ZNF454: variants seen among roughly 807,000 people sequenced by gnomAD.
ZNF454 encodes the protein zinc finger protein 454.
In ZNF454, 30 loss-of-function variants were observed where a neutral mutation model predicts 48.2. The observed-to-expected ratio is 0.62, with a 90% CI of 0.47 to 0.84. ZNF454 has a LOEUF of 0.84. Ranked by LOEUF, ZNF454 falls within the 40% of genes least tolerant of loss-of-function variation. The pLI is 0.00. For missense variants in ZNF454, 510 were observed against 623.1 expected (o/e 0.82, Z 1.93); for synonymous variants, 204 against 211.4 (o/e 0.97, Z 0.30).
At chr5:178,978,178 T>C in the ZNF454 span, 2 of 152,174 alleles carry the variant, frequency 1.3e-5, no homozygotes, top group African/African-American at 4.8e-5. Flanking sequence ...GAAACAAAGG[T>C]ATCAATATAA....
rs1205192319 is a variant in ZNF454, at chr5:178,952,452, T to G, written c.250+5466T>G. ...TGTATTCGTTTATAGGAGCTCTGTC[T>G]GTATTTAGGAATCTCTACTTTATCA... On this transcript the variant is annotated intron_variant, in intron 4 of 4. Transcript: ENST00000519564. Among the ~76,000 whole-genome samples the G allele has an allele frequency of 2.0e-5, 3 of 152,250 alleles. No individual in the cohort carries two copies. The East Asian group carries it at 5.8e-4, about 29-fold the overall frequency.
rs200106738 is a variant in ZNF454, at chr5:178,965,756, A to T, written c.1352A>T (p.Asp451Val). ...AACATATGTGAAAAAGCCTTCAGTGACCATTCAGCCCTTACCCAACATAAG... is the reference window on the plus strand; with the variant it reads ...AACATATGTGAAAAAGCCTTCAGTGTCCATTCAGCCCTTACCCAACATAAG... The part of the protein sequence containing the change: ...TCNICEKAFS[D>V]HSALTQHKRI... Residue 451 changes from aspartate to valine, a missense_variant, in exon 5 of 5, where the codon GAC becomes GTC. Physicochemically the swap from Asp to Val is radical, Grantham distance 152 (BLOSUM62 -3). Coordinates refer to ENST00000519564, the MANE Select transcript of ZNF454 (RefSeq NM_001178089.3). This position sits in a 1 kb window ranked among gnomAD's most constrained non-coding sequence, Gnocchi z 5.2. 2.5e-6 allele frequency: 4 copies of T among 1,614,180 alleles called. No homozygotes were observed. In the South Asian group the frequency reaches 3.3e-5, roughly 13 times the overall value.
chr5:178,943,903 T>C (rs1759213182), intron 2 of ZNF454, among the ~76,000 whole-genome samples: 1 of 152,016 alleles, frequency 6.6e-6, no homozygotes, highest in Admixed American at 6.6e-5. Flanking sequence ...GGTGGGCGCC[T>C]GTAGTCCCAG....
Position 178,946,114 on chromosome 5 carries a change from T to C in ZNF454, c.34-245T>C, listed in dbSNP as rs997694255. ...GGCTAAATGAATGGCAAGTTGGAAG[T>C]CCCAGTGCTGAGAAAGCCTATCTTC... On this transcript the variant is annotated intron_variant, in intron 2 of 4. Transcript: ENST00000519564. This position sits in a 1 kb window ranked among gnomAD's most constrained non-coding sequence, Gnocchi z 4.5. 6.6e-6 allele frequency among the ~76,000 whole-genome samples: 1 copy of C among 151,968 alleles called. No individual in the cohort carries two copies. Among genetic ancestry groups the C allele is most frequent in the Non-Finnish European group, 1.5e-5 (1 of 67,980 alleles).
chr5:178,965,843 GCACT>G lies in ZNF454; in HGVS notation c.1443_1446del (p.His482Ter), dbSNP rs747824748. On this transcript the variant is annotated frameshift_variant, in exon 5 of 5. Coordinates refer to ENST00000519564, the MANE Select transcript of ZNF454 (RefSeq NM_001178089.3). LOFTEE classifies it high-confidence loss of function. This position sits in a 1 kb window ranked among gnomAD's most constrained non-coding sequence, Gnocchi z 5.2. ...ATCTGTGAGAAAGCCTTTATCCGAA[GCACT>G]CACCTGACTCAACATCAGAGGATTC... 6.2e-7 allele frequency: 1 copy of G among 1,613,892 alleles called. No homozygotes were observed. The highest frequency in any genetic ancestry group is 8.5e-7 in the Non-Finnish European group (1 of 1,180,022).
chr5:178,942,984 C>T (rs115701134), intron 2 of ZNF454, among the ~76,000 whole-genome samples, 160 bp downstream of exon 2: 3,849 of 152,224 alleles, frequency 0.025, 80 homozygotes, highest in South Asian at 0.059. Context: ...GCCCCATATC[C>T]GGCTCATCCT....
the ZNF454 span, chr5:178,981,543 G>T: frequency 1.2e-6 from 1 of 809,822 alleles, no homozygotes; most frequent in South Asian, 1.7e-5. This position sits in a 1 kb window ranked among gnomAD's most constrained non-coding sequence, Gnocchi z 5.1. Context: ...GCATGGTCTT[G>T]GCAAACTCCC....
At chr5:178,970,252 GCA>G (rs1208099114), downstream of ZNF454, among the ~76,000 whole-genome samples, 1 of 152,108 alleles carries the variant, frequency 6.6e-6, no homozygotes, top group Non-Finnish European at 1.5e-5. Flanking sequence ...CTCCCCTGTA[GCA>G]CTGGCTTAGT....
At chr5:178,983,235 C>G in the ZNF454 span, 1 of 1,605,506 alleles carries the variant, frequency 6.2e-7, no homozygotes, top group East Asian at 2.2e-5. Context: ...CAGGAGCCAA[C>G]ACTGCATCAG....
At chr5:178,985,720 C>G in the ZNF454 span, 6 of 298,860 alleles carry the variant, frequency 2.0e-5, no homozygotes, top group South Asian at 1.1e-4. Context: ...AAAAACAAAA[C>G]AACACAGGAA....
rs1561695072 is a variant in ZNF454 at position 178,946,303 on chromosome 5, A to G, written c.34-56A>G. 5.0e-6 allele frequency: 8 copies of G among 1,593,226 alleles called. No individual in the cohort carries two copies. Among genetic ancestry groups the G allele is most frequent in the Non-Finnish European group, 6.8e-6 (8 of 1,174,340 alleles). ...CCTAGGGGCTGCCAGTCTCTTTTCC[A>G]GAGAACCATGTGCAGGGGTAGCCCC... On this transcript the variant is annotated intron_variant, in intron 2 of 4. Transcript: ENST00000519564. The surrounding 1 kb of genome is among the most constrained non-coding windows in gnomAD (Gnocchi z 4.5).
the ZNF454 span, chr5:178,988,895 G>A: frequency 1.3e-6 from 2 of 1,542,460 alleles, no homozygotes; most frequent in Non-Finnish European, 1.8e-6. This position sits in a 1 kb window ranked among gnomAD's most constrained non-coding sequence, Gnocchi z 6.0. Flanking sequence ...CAGCCCCCCA[G>A]CTGTCCTTCA....
chr5:178,980,655 A>G, the ZNF454 span: 2 of 152,370 alleles, frequency 1.3e-5, no homozygotes, highest in Non-Finnish European at 2.9e-5. The surrounding 1 kb of genome is among the most constrained non-coding windows in gnomAD (Gnocchi z 4.3). Context: ...TTTTTTTGAG[A>G]CAGAGTCTCG....
chr5:178,942,713 A>G lies in ZNF454; in HGVS notation c.-79A>G. Reference sequence around the variant, plus strand: ...GTGTGTGGACCCTTCTAGCCTGAGGAGTCCTGCAGGTGTGAAGCTCCACAC... The same window carrying G: ...GTGTGTGGACCCTTCTAGCCTGAGGGGTCCTGCAGGTGTGAAGCTCCACAC... On this transcript the variant is annotated 5_prime_UTR_variant, in exon 2 of 5. Coordinates refer to ENST00000519564, the MANE Select transcript of ZNF454 (RefSeq NM_001178089.3). 1 of 1,518,108 alleles carries G rather than the reference A, an allele frequency of 6.6e-7. No individual in the cohort carries two copies. Among genetic ancestry groups the G allele is most frequent in the Non-Finnish European group, 9.1e-7 (1 of 1,093,730 alleles). 94.0% of individuals were successfully genotyped at this position (1,518,108 alleles called of 1,614,324 possible). A position where few individuals can be genotyped will look rare whatever the true frequency, so the allele number is the denominator to read the frequency against.
At chr5:178,974,921 A>G in the ZNF454 span, among the ~76,000 whole-genome samples, 212 of 152,324 alleles carry the variant, frequency 1.4e-3, no homozygotes, top group African/African-American at 4.9e-3. Flanking sequence ...ACCACCACGG[A>G]TCTCAGGAAT....
Position 178,965,289 on chromosome 5 carries a change from T to C in ZNF454, c.885T>C (p.Thr295=), listed in dbSNP as rs1489550474. The C allele has an allele frequency of 6.2e-7, 1 of 1,614,110 alleles. No homozygotes were observed. The highest frequency in any genetic ancestry group is 2.2e-5 in the East Asian group (1 of 44,896). ...TTGCCCATCATCATAGAATACATAC[T>C]GGAGAGAAACCTTTTAAATGTAACA... ...IHLAHHHRIH[T]GEKPFKCNIC... Residue 295 remains threonine, a synonymous_variant, in exon 5 of 5, where the codon ACT becomes ACC. Coordinates refer to ENST00000519564, the MANE Select transcript of ZNF454 (RefSeq NM_001178089.3). This position sits in a 1 kb window ranked among gnomAD's most constrained non-coding sequence, Gnocchi z 5.2.
intron 4 of ZNF454, among the ~76,000 whole-genome samples, chr5:178,953,239 G>C (rs958453891): frequency 3.9e-5 from 6 of 152,052 alleles, no homozygotes; most frequent in African/African-American, 1.4e-4. Context: ...CCTCTCGGTT[G>C]TAGTGTAGCT....
At chr5:178,984,737 T>C in the ZNF454 span, among the ~76,000 whole-genome samples, 1 of 151,988 alleles carries the variant, frequency 6.6e-6, no homozygotes, top group African/African-American at 2.4e-5. Flanking sequence ...CGGGAGCACC[T>C]CCTAGTCACG....
the ZNF454 span, chr5:178,989,734 T>C: frequency 2.4e-6 from 1 of 417,864 alleles, no homozygotes; most frequent in South Asian, 2.2e-5. Flanking sequence ...CCCTGCTCCT[T>C]CTTTCCTGTT....
Sources: allele counts gnomAD v4.1 joint callset (sites outside exome capture counted in the v4.1 genomes callset), GRCh38; gene constraint gnomAD v4.1.1; non-coding constraint Gnocchi (gnomAD v3.1); transcripts MANE v1.5; gene names NCBI Gene and HGNC (gene_info 2026-07-23, HGNC 2026-07-21).